The following PTPN21 variants were observed in gnomAD, a reference collection of about 807,000 sequenced individuals.
PTPN21 encodes the protein protein tyrosine phosphatase non-receptor type 21.
Under a neutral mutation model 131.8 loss-of-function variants are expected in PTPN21, and 77 were observed. That is an observed-to-expected ratio of 0.58 (90% CI 0.49 to 0.71). The LOEUF (loss-of-function observed/expected upper bound fraction) is 0.71, where lower values mean the gene tolerates loss of function less well. Ranked by LOEUF, PTPN21 falls within the 30% of genes least tolerant of loss-of-function variation. The pLI is 0.00. For synonymous variants in PTPN21, 715 were observed against 621.3 expected (o/e 1.15, Z -2.24); for missense variants, 1,552 against 1,527.1 (o/e 1.02, Z -0.27).
chr14:88,550,518 C>G lies in PTPN21; in HGVS notation c.-101G>C, dbSNP rs1036844420. 1.6e-5 allele frequency: 18 copies of G among 1,141,638 alleles called. No homozygotes were observed. In the South Asian group the frequency reaches 2.4e-4, roughly 15 times the overall value. The allele number at this position is 1,141,638 out of a possible 1,614,324, so 70.7% of individuals were successfully genotyped here. A position where few individuals can be genotyped will look rare whatever the true frequency, so the allele number is the denominator to read the frequency against. ...AGAAAGCGATCCTCTCCGGATGGGA[C>G]GAACACTGTCCGGCCTCCAGCTGCT... On this transcript the variant is annotated 5_prime_UTR_variant, in exon 2 of 19. Transcript: ENST00000556564.
At chr14:88,470,177 G>T in intron 15 of PTPN21, 127 bp from the exon 16 acceptor site, 1 of 804,802 alleles carries the variant, frequency 1.2e-6, no homozygotes, top group South Asian at 1.8e-5. Flanking sequence ...TAGTAAACTG[G>T]ATTATTCAGC....
intron 12 of PTPN21, 73 bp from the exon 13 acceptor site, chr14:88,480,425 C>T (rs932499163): frequency 5.7e-5 from 67 of 1,178,876 alleles, no homozygotes; most frequent in Middle Eastern, 4.1e-4. Flanking sequence ...GAGATCGGCC[C>T]TTACCTCTGA....
intron 10 of PTPN21, among the ~76,000 whole-genome samples, chr14:88,494,801 CAGG>C (rs1427317366): frequency 6.6e-6 from 1 of 151,652 alleles, no homozygotes; most frequent in Non-Finnish European, 1.5e-5. Context: ...ATCACGAGGT[CAGG>C]AGATCAAGAC....
intron 13 of PTPN21, among the ~76,000 whole-genome samples, chr14:88,474,131 CAAAAAAAAAA>C (rs754719071): frequency 2.1e-5 from 1 of 46,686 alleles, no homozygotes; most frequent in African/African-American, 7.9e-5. Context: ...AGCTGAAGTC[CAAAAAAAAAA>C]AAAAAAAAAA....
chr14:88,536,337 T>C (rs1050083847), intron 2 of PTPN21, among the ~76,000 whole-genome samples: 2 of 152,248 alleles, frequency 1.3e-5, no homozygotes, highest in African/African-American at 4.8e-5. Flanking sequence ...TCTTCTAAAA[T>C]TGTACAGATA....
intron 2 of PTPN21, among the ~76,000 whole-genome samples, chr14:88,548,520 A>G (rs1223715653): frequency 6.6e-6 from 1 of 152,160 alleles, no homozygotes; most frequent in African/African-American, 2.4e-5. Context: ...TCTGGCCTAT[A>G]GCACACCCTC....
chr14:88,535,199 T>C (rs2078612640), intron 2 of PTPN21, among the ~76,000 whole-genome samples: 1 of 152,200 alleles, frequency 6.6e-6, no homozygotes, highest in Admixed American at 6.5e-5. Flanking sequence ...TATTATAGCC[T>C]ACCAGGACTA....
intron 12 of PTPN21, among the ~76,000 whole-genome samples, chr14:88,482,557 G>A (rs2077666986): frequency 6.6e-6 from 1 of 152,032 alleles, no homozygotes; most frequent in Non-Finnish European, 1.5e-5. Context: ...AGGTGGCAGT[G>A]AGCTAAAATC....
At chr14:88,528,039 T>G (rs1348440321) in intron 2 of PTPN21, among the ~76,000 whole-genome samples, 1 of 152,212 alleles carries the variant, frequency 6.6e-6, no homozygotes, top group Non-Finnish European at 1.5e-5. Flanking sequence ...CATGCTGTTT[T>G]GGTAACTATA....
rs146841134 is a variant in PTPN21, at chr14:88,481,952, A to G, written c.1079-1600T>C. Among the ~76,000 whole-genome samples the G allele has an allele frequency of 1.7e-3, 259 of 152,310 alleles. 2 individuals carry two copies. Among genetic ancestry groups the G allele is most frequent in the Non-Finnish European group, 2.0e-3 (135 of 68,030 alleles). On this transcript the variant is annotated intron_variant, in intron 12 of 18. Transcript: ENST00000556564. ...CTTCCAACTGCAACACTGACCAACA[A>G]CATTCCAGAGAGAAGAGCCTCTCCA... is the stretch of plus-strand genomic sequence containing the variant.
In PTPN21 at chr14:88,550,583, C is replaced by CGGGCGTAGTGGCGGGCGCCTG; in HGVS notation, c.-167_-166insCAGGCGCCCGCCACTACGCCC. The CGGGCGTAGTGGCGGGCGCCTG allele has an allele frequency of 1.5e-6, 1 of 654,296 alleles. No individual in the cohort carries two copies. The highest frequency in any genetic ancestry group is 2.5e-6 in the Non-Finnish European group (1 of 392,800). The allele number at this position is 654,296 out of a possible 1,614,324, so 40.5% of individuals were successfully genotyped here. The stretch of plus-strand genomic sequence containing the variant: ...TGCCGCCATTAAAAAGCAACGGAGT[C>CGGGCGTAGTGGCGGGCGCCTG]TCCAATGGCCCGAGGAAGGGAGCAT... On this transcript the variant is annotated 5_prime_UTR_variant, in exon 2 of 19. Transcript: ENST00000556564.
At chr14:88,547,239 G>A (rs575260916) in intron 2 of PTPN21, among the ~76,000 whole-genome samples, 6 of 151,378 alleles carry the variant, frequency 4.0e-5, no homozygotes, top group East Asian at 3.9e-4. Context: ...CTCTCTAGGC[G>A]TTATAGACAG....
intron 1 of PTPN21, among the ~76,000 whole-genome samples, chr14:88,554,428 T>C (rs1430162214): frequency 6.6e-6 from 1 of 152,218 alleles, no homozygotes; most frequent in Non-Finnish European, 1.5e-5. Flanking sequence ...GCGTTCGGAA[T>C]AGAAGTTCAA....
intron 2 of PTPN21, among the ~76,000 whole-genome samples, chr14:88,529,701 G>T (rs1053183474): frequency 2.0e-5 from 3 of 152,116 alleles, no homozygotes; most frequent in African/African-American, 7.2e-5. Context: ...AATCTTAAAG[G>T]TCAGGTGCAG....
chr14:88,538,692 G>A (rs1342372365), intron 2 of PTPN21, among the ~76,000 whole-genome samples: 1 of 152,160 alleles, frequency 6.6e-6, no homozygotes, highest in African/African-American at 2.4e-5. Flanking sequence ...TCCAGAGCAG[G>A]CCACCTGTCA....
Position 88,482,880 on chromosome 14 carries a change from A to G in PTPN21, c.1078+2196T>C, listed in dbSNP as rs186077591. 1.5e-3 allele frequency among the ~76,000 whole-genome samples: 226 copies of G among 151,588 alleles called. 2 individuals are homozygous for G. The highest frequency in any genetic ancestry group is 4.4e-3 in the African/African-American group (183 of 41,330). ...GCAAAGACAGAGGAGTGGGCGGGTA[A>G]CCAGCAAGCAGAAGCAGCACACAGA... On this transcript the variant is annotated intron_variant, in intron 12 of 18. Transcript: ENST00000556564.
At chr14:88,497,610 A>G (rs2077941207) in intron 8 of PTPN21, among the ~76,000 whole-genome samples, 1 of 151,878 alleles carries the variant, frequency 6.6e-6, no homozygotes, top group Non-Finnish European at 1.5e-5. Context: ...TCTACTAAAA[A>G]TACAAAAAAA....
At chr14:88,500,729 A>C (rs2077994699) in intron 8 of PTPN21, 54 bp downstream of exon 8, 1 of 1,241,184 alleles carries the variant, frequency 8.1e-7, no homozygotes, top group Non-Finnish European at 1.2e-6. Flanking sequence ...GTACTAAAAA[A>C]TGTATCACCA....
intron 2 of PTPN21, among the ~76,000 whole-genome samples, chr14:88,527,188 G>A (rs2139333114): frequency 6.6e-6 from 1 of 152,278 alleles, no homozygotes; most frequent in East Asian, 1.9e-4. Flanking sequence ...GGGATTGCTG[G>A]ATCAAATGGT....
Sources: allele counts gnomAD v4.1 joint callset (sites outside exome capture counted in the v4.1 genomes callset), GRCh38; gene constraint gnomAD v4.1.1; transcripts MANE v1.5; gene names NCBI Gene and HGNC (gene_info 2026-07-23, HGNC 2026-07-21).